Variants in BCL11B observed in about 807,000 individuals in gnomAD.
The protein encoded by BCL11B is B-cell lymphoma/leukemia 11B.
BCL11B carries 8 observed loss-of-function variants against 49.9 expected under a neutral mutation model. That is an observed-to-expected ratio of 0.16 (90% CI 0.09 to 0.29). The LOEUF (loss-of-function observed/expected upper bound fraction) is 0.29, where lower values mean the gene tolerates loss of function less well. Among genes scored for constraint, BCL11B ranks in the 10% least tolerant of loss-of-function variants. The pLI is 1.00. For synonymous variants in BCL11B, 739 were observed against 637.4 expected (o/e 1.16, Z -2.40); for missense variants, 1,006 against 1,351.0 (o/e 0.74, Z 4.00).
At chr14:99,210,349 G>A (rs760141122) in intron 3 of BCL11B, among the ~76,000 whole-genome samples, 3 of 152,138 alleles carry the variant, frequency 2.0e-5, no homozygotes, top group Non-Finnish European at 4.4e-5. Flanking sequence ...GGCCAAAACC[G>A]GAGAAGGGGA....
intron 3 of BCL11B, among the ~76,000 whole-genome samples, chr14:99,223,304 T>A (rs1228177726): frequency 6.6e-6 from 1 of 152,252 alleles, no homozygotes; most frequent in Non-Finnish European, 1.5e-5. Flanking sequence ...TGCTGCTTAT[T>A]ACATAGAACC....
At chr14:99,188,489 T>C (rs896017121) in intron 3 of BCL11B, among the ~76,000 whole-genome samples, 3 of 152,014 alleles carry the variant, frequency 2.0e-5, no homozygotes, top group Admixed American at 2.0e-4. Flanking sequence ...CTTTTGTTAG[T>C]TTTGTTTCCT....
At chr14:99,200,713 G>A (rs1887354794) in intron 3 of BCL11B, among the ~76,000 whole-genome samples, 1 of 152,226 alleles carries the variant, frequency 6.6e-6, no homozygotes, top group African/African-American at 2.4e-5. Flanking sequence ...CATGGCGCAG[G>A]AGGCTGGCAC....
At chr14:99,199,671 TGTGTGTGTGTGTGCGCGCGCGCGCGCAC>T (rs1457833681) in intron 3 of BCL11B, among the ~76,000 whole-genome samples, 73 of 86,202 alleles carry the variant, frequency 8.5e-4, no homozygotes, top group South Asian at 5.7e-3. Context: ...TGTGTGTGTG[TGTGTGTGTGTGTGCGCGCGCGCGCGCAC>T]GTGCACGTGT....
At position 99,259,858 on chromosome 14, in the gene BCL11B, G is replaced by T. The variant is rs1889285485; in HGVS notation, c.59-2019C>A. ...GTAATCACAACCTTCCCACCGAACA[G>T]AGGTTCTAGGGAAGACTGGATTCCT... On this transcript the variant is annotated intron_variant, in intron 1 of 3. Coordinates refer to ENST00000357195, the MANE Select transcript of BCL11B (RefSeq NM_138576.4). 2.0e-5 allele frequency among the ~76,000 whole-genome samples: 3 copies of T among 152,308 alleles called. No homozygotes were observed. In the South Asian group the frequency reaches 6.2e-4, roughly 32 times the overall value.
At chr14:99,253,510 G>GC (rs920466643) in intron 2 of BCL11B, among the ~76,000 whole-genome samples, 1 of 152,200 alleles carries the variant, frequency 6.6e-6, no homozygotes, top group Non-Finnish European at 1.5e-5. Context: ...CCCACCGTGT[G>GC]CCAGGCACTC....
chr14:99,171,301 T>G lies in BCL11B; in HGVS notation c.*2850A>C, dbSNP rs999874089. 2 of 225,614 alleles carry G rather than the reference T, an allele frequency of 8.9e-6. No homozygotes were observed. The highest frequency in any genetic ancestry group is 1.8e-5 in the Non-Finnish European group (2 of 113,220). 14.0% of individuals were successfully genotyped at this position (225,614 alleles called of 1,614,324 possible). ...TCCTTTTGTTTCTTTTTCTCAAAGGTTGTCAAACAACCCTTTTTCTCCTGT... is the reference window on the plus strand; with the variant it reads ...TCCTTTTGTTTCTTTTTCTCAAAGGGTGTCAAACAACCCTTTTTCTCCTGT... On this transcript the variant is annotated 3_prime_UTR_variant, in exon 4 of 4. Transcript: ENST00000357195.
chr14:99,191,587 C>T (rs1427318930), intron 3 of BCL11B, among the ~76,000 whole-genome samples: 2 of 152,030 alleles, frequency 1.3e-5, no homozygotes, highest in Non-Finnish European at 2.9e-5. Context: ...ATTTGAATTC[C>T]AGAGTTGCCT....
chr14:99,179,598 C>T (rs1886642209), intron 3 of BCL11B, among the ~76,000 whole-genome samples: 1 of 150,790 alleles, frequency 6.6e-6, no homozygotes, highest in South Asian at 2.1e-4. Context: ...GGCTGGATTT[C>T]AGGGCCACCC....
chr14:99,231,479 G>A lies in BCL11B; in HGVS notation c.506C>T (p.Ser169Leu). The change falls in exon 3 of 4, where the codon TCA becomes TTA. Residue 169 changes from serine to leucine, a missense_variant. Coordinates refer to ENST00000357195, the MANE Select transcript of BCL11B (RefSeq NM_138576.4). This position sits in a 1 kb window ranked among gnomAD's most constrained non-coding sequence, Gnocchi z 8.1. ...GAGAGCGCCCAGGGCACGCAGAGGT[G>A]AAGTGATCACGGATGAGTGAGGGTG... is the stretch of plus-strand genomic sequence containing the variant. Reference protein sequence around the residue: ...SSHPHSSVITSPLRALGALPP... With the variant: ...SSHPHSSVITLPLRALGALPP... 1.2e-6 allele frequency: 2 copies of A among 1,602,758 alleles called. No homozygotes were observed. Among genetic ancestry groups the A allele is most frequent in the Non-Finnish European group, 1.7e-6 (2 of 1,175,026 alleles).
In BCL11B at chr14:99,231,248, T is replaced by C. The variant is rs192248502; in HGVS notation, c.640+97A>G. On this transcript the variant is annotated intron_variant, in intron 3 of 3. Coordinates refer to ENST00000357195, the MANE Select transcript of BCL11B (RefSeq NM_138576.4). The surrounding 1 kb of genome is among the most constrained non-coding windows in gnomAD (Gnocchi z 8.1). ...CCCAAAAAGCCTTCTGGGTGGGAGC[T>C]GCCCTTCCTCCCTGGGTCCCCACCT... 4.9e-4 allele frequency: 655 copies of C among 1,332,552 alleles called. 5 individuals are homozygous for C. The African/African-American group carries it at 8.7e-3, about 18-fold the overall frequency. The allele number at this position is 1,332,552 out of a possible 1,614,324, so 82.5% of individuals were successfully genotyped here.
chr14:99,196,063 C>T (rs1887169974), intron 3 of BCL11B, among the ~76,000 whole-genome samples: 1 of 152,160 alleles, frequency 6.6e-6, no homozygotes, highest in Non-Finnish European at 1.5e-5. Flanking sequence ...CAAAAAAACC[C>T]CAGCGGTCCG....
Position 99,175,605 on chromosome 14 carries a change from G to A in BCL11B, c.1231C>T (p.Pro411Ser), listed in dbSNP as rs1212072186. Reference protein sequence around the residue: ...SPFLSTPPLPPMPPGGTPPPQ... With the variant: ...SPFLSTPPLPSMPPGGTPPPQ... ...GGCGGCGTGCCGCCAGGGGGCATGG[G>A]CGGCAGCGGCGGCGTGCTCAGGAAC... The change falls in exon 4 of 4, where the codon CCC becomes TCC. Residue 411 changes from proline to serine, a missense_variant. Coordinates refer to ENST00000357195, the MANE Select transcript of BCL11B (RefSeq NM_138576.4). The A allele has an allele frequency of 2.6e-6, 4 of 1,563,304 alleles. No homozygotes were observed. The African/African-American group carries it at 4.1e-5, about 16-fold the overall frequency.
At position 99,192,646 on chromosome 14, in the gene BCL11B, A is replaced by ACTGGGG. The variant is rs1887066650; in HGVS notation, c.641-16457_641-16452dup. On this transcript the variant is annotated intron_variant, in intron 3 of 3. Coordinates refer to ENST00000357195, the MANE Select transcript of BCL11B (RefSeq NM_138576.4). The surrounding 1 kb of genome is among the most constrained non-coding windows in gnomAD (Gnocchi z 4.0). ...AGGGACATGGCAACTTGGGAACCACACTGGGGCTGGGGCTGTGGGCCAGAA... is the reference window on the plus strand; with the variant it reads ...AGGGACATGGCAACTTGGGAACCACACTGGGGCTGGGGCTGGGGCTGTGGGCCAGAA... Among the ~76,000 whole-genome samples, 1 of 152,110 alleles carries ACTGGGG rather than the reference A, an allele frequency of 6.6e-6. No homozygotes were observed. The highest frequency in any genetic ancestry group is 1.5e-5 in the Non-Finnish European group (1 of 68,034).
At chr14:99,267,945 G>C (rs1889534180) in intron 1 of BCL11B, among the ~76,000 whole-genome samples, 1 of 152,110 alleles carries the variant, frequency 6.6e-6, no homozygotes, top group Non-Finnish European at 1.5e-5. Flanking sequence ...CTCCTTCTTG[G>C]ATTTAAGTAC....
intron 1 of BCL11B, among the ~76,000 whole-genome samples, chr14:99,261,419 C>A (rs556992052): frequency 1.9e-4 from 29 of 152,170 alleles, no homozygotes; most frequent in Non-Finnish European, 4.1e-4. Context: ...TCTTTCTCTG[C>A]CCTATGGACA....
intron 2 of BCL11B, among the ~76,000 whole-genome samples, chr14:99,243,482 A>G (rs1387940698): frequency 6.6e-6 from 1 of 152,040 alleles, no homozygotes; most frequent in Non-Finnish European, 1.5e-5. Context: ...ACTCCTACCT[A>G]TGGGTTTGTT....
At position 99,174,197 on chromosome 14, in the gene BCL11B, T is replaced by C; in HGVS notation, c.2639A>G (p.His880Arg). 6.2e-7 allele frequency: 1 copy of C among 1,613,524 alleles called. No individual in the cohort carries two copies. The highest frequency in any genetic ancestry group is 2.2e-5 in the East Asian group (1 of 44,802). Reference sequence around the variant, plus strand: ...GATTTTGACGTCGTTAGTCAGCAAGTGCTCGCCGTGCCACTTTTTCATGTG... The same window carrying C: ...GATTTTGACGTCGTTAGTCAGCAAGCGCTCGCCGTGCCACTTTTTCATGTG... Reference protein sequence around the residue: ...EKHMKKWHGEHLLTNDVKIEQ... With the variant: ...EKHMKKWHGERLLTNDVKIEQ... The change falls in exon 4 of 4, where the codon CAC becomes CGC. Residue 880 changes from histidine to arginine, a missense_variant. His to Arg is a conservative substitution (Grantham distance 29). This residue lies in a region of BCL11B where 16 missense variants were observed against 24.1 expected (regional missense o/e 0.67). Coordinates refer to ENST00000357195, the MANE Select transcript of BCL11B (RefSeq NM_138576.4).
chr14:99,216,835 A>G (rs1018121662), intron 3 of BCL11B, among the ~76,000 whole-genome samples: 1 of 152,128 alleles, frequency 6.6e-6, no homozygotes, highest in African/African-American at 2.4e-5. Context: ...ACATGCTCAC[A>G]CACAAAAACA....
Sources: gnomAD v4.1 joint callset for allele counts (sites outside exome capture counted in the v4.1 genomes callset) on GRCh38, gnomAD v4.1.1 for gene constraint, gnomAD v4.1.1 regional missense constraint, Gnocchi (gnomAD v3.1) non-coding constraint, MANE v1.5 for transcripts, NCBI Gene and HGNC (gene_info 2026-07-23, HGNC 2026-07-21) for gene names.